The following RAP2A variants were observed in gnomAD, a reference collection of about 807,000 sequenced individuals.
RAP2A encodes RAP2A, member of RAS oncogene family, also known as ras-related protein Rap-2a.
In RAP2A, 5 loss-of-function variants were observed where a neutral mutation model predicts 15.1. The ratio of observed to expected loss-of-function variants is 0.33; its 90% CI spans 0.17 to 0.70. The LOEUF (loss-of-function observed/expected upper bound fraction) is 0.70. Ranked by LOEUF, RAP2A falls within the 30% of genes least tolerant of loss-of-function variation. The pLI is 0.68. For missense variants in RAP2A, 111 were observed against 240.3 expected (o/e 0.46, Z 3.56); for synonymous variants, 110 against 99.7 (o/e 1.10, Z -0.62).
intron 1 of RAP2A, among the ~76,000 whole-genome samples, chr13:97,458,158 C>T (rs572777208): frequency 5.9e-5 from 9 of 152,042 alleles, no homozygotes; most frequent in Non-Finnish European, 8.8e-5. Context: ...GTTTTTTTGA[C>T]GTTTTGCCTT....
At chr13:97,445,730 C>G (rs192214280) in intron 1 of RAP2A, among the ~76,000 whole-genome samples, 2 of 152,224 alleles carry the variant, frequency 1.3e-5, no homozygotes, top group East Asian at 3.9e-4. Flanking sequence ...TGAGCTCAGT[C>G]ATGGGAATAC....
chr13:97,463,962 T>C (rs2139043301), intron 1 of RAP2A, among the ~76,000 whole-genome samples: 1 of 152,336 alleles, frequency 6.6e-6, no homozygotes, highest in African/African-American at 2.4e-5. Context: ...GGTAAATTGA[T>C]TTTAAAGGAT....
At chr13:97,462,250 G>C (rs1264406913) in intron 1 of RAP2A, among the ~76,000 whole-genome samples, 1 of 151,670 alleles carries the variant, frequency 6.6e-6, no homozygotes, top group Admixed American at 6.6e-5. Context: ...GTCAAGCAAA[G>C]CATTTTAAAG....
intron 1 of RAP2A, among the ~76,000 whole-genome samples, chr13:97,438,966 G>C (rs1271504881): frequency 6.6e-6 from 1 of 152,224 alleles, no homozygotes; most frequent in Non-Finnish European, 1.5e-5. Flanking sequence ...TCATTTTGCA[G>C]ATGGAGATGA....
intron 1 of RAP2A, among the ~76,000 whole-genome samples, chr13:97,449,212 C>A (rs1005933103): frequency 3.9e-5 from 6 of 152,154 alleles, no homozygotes; most frequent in African/African-American, 1.4e-4. Context: ...CGCTGTAGAT[C>A]TGCTACATAT....
chr13:97,448,246 T>C (rs938329590), intron 1 of RAP2A, among the ~76,000 whole-genome samples: 29 of 152,182 alleles, frequency 1.9e-4, no homozygotes, highest in African/African-American at 6.5e-4. Context: ...AAGCCAGAGA[T>C]AGGAGATAAA....
At position 97,466,290 on chromosome 13, in the gene RAP2A, C is replaced by T. The variant is rs144792646; in HGVS notation, c.*1848C>T. On this transcript the variant is annotated 3_prime_UTR_variant, in exon 2 of 2. Coordinates refer to ENST00000245304, the MANE Select transcript of RAP2A (RefSeq NM_021033.7). ...GTGAATGAAACCAGGCCATAGCTGT[C>T]ATAAATCTTTGACTTTTGAATATTT... The T allele has an allele frequency of 4.7e-3, 714 of 151,570 alleles. 7 individuals carry two copies. Among genetic ancestry groups the T allele is most frequent in the African/African-American group, 0.017 (692 of 41,346 alleles). 9.4% of individuals were successfully genotyped at this position (151,570 alleles called of 1,614,324 possible).
chr13:97,460,607 T>TG (rs2066742231), intron 1 of RAP2A, among the ~76,000 whole-genome samples: 1 of 152,172 alleles, frequency 6.6e-6, no homozygotes, highest in African/African-American at 2.4e-5. Context: ...ACACAGGTCT[T>TG]GGCTTCTTTC....
At chr13:97,440,494 A>G (rs756078086) in intron 1 of RAP2A, among the ~76,000 whole-genome samples, 12 of 152,200 alleles carry the variant, frequency 7.9e-5, no homozygotes, top group Admixed American at 6.5e-4. Context: ...AACAAACAAT[A>G]TAACTAGTAA....
Position 97,464,507 on chromosome 13 carries a change from C to T in RAP2A, c.*65C>T, listed in dbSNP as rs1288149930. On this transcript the variant is annotated 3_prime_UTR_variant, in exon 2 of 2. Transcript: ENST00000245304. ...TCGTAGGTGATAGAAAACTCGCCTA[C>T]TCCACTGCAGAACTTGCAGAATGCG... is the stretch of plus-strand genomic sequence containing the variant. 1 of 1,447,964 alleles carries T rather than the reference C, an allele frequency of 6.9e-7. No individual in the cohort carries two copies. Among genetic ancestry groups the T allele is most frequent in the South Asian group, 1.2e-5 (1 of 85,990 alleles). The allele number at this position is 1,447,964 out of a possible 1,614,324, so 89.7% of individuals were successfully genotyped here. A position where few individuals can be genotyped will look rare whatever the true frequency, so the allele number is the denominator to read the frequency against.
intron 1 of RAP2A, chr13:97,437,719 CTTGAAA>C (rs2066640349): frequency 6.6e-6 from 1 of 152,198 alleles, no homozygotes; most frequent in African/African-American, 2.4e-5. Flanking sequence ...TTGGTATTCT[CTTGAAA>C]TTATTTCCCC....
rs140388070 is a variant in RAP2A, at chr13:97,463,133, C to G, written c.315-1072C>G. ...ACACACACACAAACACACACACACA[C>G]AGATTTATACTAAAATCACAAAAAC... is the stretch of plus-strand genomic sequence containing the variant. On this transcript the variant is annotated intron_variant, in intron 1 of 1. Transcript: ENST00000245304. 3.3e-5 allele frequency among the ~76,000 whole-genome samples: 5 copies of G among 150,576 alleles called. No homozygotes were observed. In the East Asian group the frequency reaches 9.7e-4, roughly 29 times the overall value.
At chr13:97,456,556 ACCAGTGGTCCACAAT>A (rs1177251120) in intron 1 of RAP2A, among the ~76,000 whole-genome samples, 1 of 152,102 alleles carries the variant, frequency 6.6e-6, no homozygotes, top group Admixed American at 6.6e-5. Flanking sequence ...TCCATTGTGG[ACCAGTGGTCCACAAT>A]CCAGTGGTCC....
chr13:97,456,057 T>G (rs2066721428), intron 1 of RAP2A, among the ~76,000 whole-genome samples: 1 of 147,326 alleles, frequency 6.8e-6, no homozygotes, highest in Non-Finnish European at 1.5e-5. Flanking sequence ...TAATGAAGTT[T>G]TAGCTACTGG....
In RAP2A at chr13:97,465,402, C is replaced by G. The variant is rs2066766323; in HGVS notation, c.*960C>G. ...TACGAATATCTGGCATTTTTAAGTT[C>G]ATTAAAGCAGCAAATTCCTTCTCGC... On this transcript the variant is annotated 3_prime_UTR_variant, in exon 2 of 2. Transcript: ENST00000245304. 1 of 152,634 alleles carries G rather than the reference C, an allele frequency of 6.6e-6. No individual in the cohort carries two copies. Among genetic ancestry groups the G allele is most frequent in the African/African-American group, 2.4e-5 (1 of 41,432 alleles). The allele number at this position is 152,634 out of a possible 1,614,324, so 9.5% of individuals were successfully genotyped here.
At chr13:97,446,740 T>G (rs1334233596) in intron 1 of RAP2A, among the ~76,000 whole-genome samples, 2 of 152,094 alleles carry the variant, frequency 1.3e-5, no homozygotes, top group African/African-American at 2.4e-5. Context: ...AGGAGGGAGC[T>G]CCCTTCCAGC....
intron 1 of RAP2A, among the ~76,000 whole-genome samples, chr13:97,439,160 T>G (rs1366570352): frequency 2.0e-5 from 3 of 151,992 alleles, no homozygotes; most frequent in Non-Finnish European, 4.4e-5. Flanking sequence ...TATAGAAGTG[T>G]GAGGGGAGGT....
chr13:97,449,964 G>A lies in RAP2A; in HGVS notation c.315-14241G>A, dbSNP rs139485312. Among the ~76,000 whole-genome samples, 95 of 149,616 alleles carry A rather than the reference G, an allele frequency of 6.3e-4. No homozygotes were observed. In the East Asian group the frequency reaches 0.017, roughly 26 times the overall value. On this transcript the variant is annotated intron_variant, in intron 1 of 1. Transcript: ENST00000245304. ...TGTATTATAGAGATTCAGTGTTTGGGGTTTTTTTTTTTTAAGTTTTATTTA... is the reference window on the plus strand; with the variant it reads ...TGTATTATAGAGATTCAGTGTTTGGAGTTTTTTTTTTTTAAGTTTTATTTA...
chr13:97,464,504 C>T lies in RAP2A; in HGVS notation c.*62C>T. On this transcript the variant is annotated 3_prime_UTR_variant, in exon 2 of 2. Transcript: ENST00000245304. The stretch of plus-strand genomic sequence containing the variant: ...ATGTCGTAGGTGATAGAAAACTCGC[C>T]TACTCCACTGCAGAACTTGCAGAAT... The T allele has an allele frequency of 6.8e-7, 1 of 1,470,236 alleles. No homozygotes were observed. 91.1% of individuals were successfully genotyped at this position (1,470,236 alleles called of 1,614,324 possible).
Sources: allele counts gnomAD v4.1 joint callset (sites outside exome capture counted in the v4.1 genomes callset), GRCh38; gene constraint gnomAD v4.1.1; transcripts MANE v1.5; gene names NCBI Gene and HGNC (gene_info 2026-07-23, HGNC 2026-07-21).